Variants in PFN2 observed in about 807,000 individuals in gnomAD.
PFN2 encodes profilin 2.
In PFN2, 8 loss-of-function variants were observed where a neutral mutation model predicts 15.3. That is an observed-to-expected ratio of 0.52 (90% CI 0.31 to 0.95). PFN2 has a LOEUF of 0.95. Among genes scored for constraint, PFN2 ranks in the 40% least tolerant of loss-of-function variants. The pLI is 0.05. For missense variants in PFN2, 111 were observed against 182.3 expected (o/e 0.61, Z 2.25); for synonymous variants, 79 against 67.9 (o/e 1.16, Z -0.81).
chr3:149,965,218 A>G lies in PFN2; in HGVS notation c.*1271T>C, dbSNP rs1722650924. The G allele has an allele frequency of 6.5e-7, 1 of 1,530,412 alleles. No individual in the cohort carries two copies. The highest frequency in any genetic ancestry group is 2.4e-5 in the East Asian group (1 of 40,860). 94.8% of individuals were successfully genotyped at this position (1,530,412 alleles called of 1,614,324 possible). ...AACAATAGTATGGCACAGAATACATATGAAAAAAATTCATCACAAGACAGC... is the reference window on the plus strand; with the variant it reads ...AACAATAGTATGGCACAGAATACATGTGAAAAAAATTCATCACAAGACAGC... On this transcript the variant is annotated 3_prime_UTR_variant, in exon 3 of 3. Coordinates refer to ENST00000239940, the MANE Select transcript of PFN2 (RefSeq NM_053024.4).
In PFN2 at chr3:149,965,877, A is replaced by G; in HGVS notation, c.*612T>C. 1.6e-6 allele frequency: 2 copies of G among 1,217,252 alleles called. No homozygotes were observed. Among genetic ancestry groups the G allele is most frequent in the Non-Finnish European group, 2.1e-6 (2 of 975,384 alleles). The allele number at this position is 1,217,252 out of a possible 1,614,324, so 75.4% of individuals were successfully genotyped here. On this transcript the variant is annotated 3_prime_UTR_variant, in exon 3 of 3. Transcript: ENST00000239940. The stretch of plus-strand genomic sequence containing the variant: ...ACCTTGCTTAATATTAACTTATTTT[A>G]GTAATCAATATCCCATTAATTGCTA...
At position 149,965,114 on chromosome 3, in the gene PFN2, G is replaced by C; in HGVS notation, c.*1375C>G. 1 of 780,912 alleles carries C rather than the reference G, an allele frequency of 1.3e-6. No homozygotes were observed. Among genetic ancestry groups the C allele is most frequent in the Non-Finnish European group, 2.0e-6 (1 of 512,692 alleles). The allele number at this position is 780,912 out of a possible 1,614,324, so 48.4% of individuals were successfully genotyped here. ...AAACAATAGAAGCAAATACTAGAAT[G>C]TCCCTAAAGTAGTGCCATTCGAAAG... On this transcript the variant is annotated 3_prime_UTR_variant, in exon 3 of 3. Transcript: ENST00000239940.
rs995841631 is a variant in PFN2, at chr3:149,966,057, A to G, written c.*432T>C. ...CCATTGGGCAAACAGGAATCATGAC[A>G]TTAGAAAATAGGTAAAGAAAAATTA... On this transcript the variant is annotated 3_prime_UTR_variant, in exon 3 of 3. Coordinates refer to ENST00000239940, the MANE Select transcript of PFN2 (RefSeq NM_053024.4). 6.6e-7 allele frequency: 1 copy of G among 1,520,562 alleles called. No individual in the cohort carries two copies. Among genetic ancestry groups the G allele is most frequent in the East Asian group, 2.3e-5 (1 of 44,010 alleles). 94.2% of individuals were successfully genotyped at this position (1,520,562 alleles called of 1,614,324 possible).
chr3:149,966,977 T>C (rs1236624493), intron 2 of PFN2, among the ~76,000 whole-genome samples: 1 of 152,088 alleles, frequency 6.6e-6, no homozygotes, highest in Non-Finnish European at 1.5e-5. Context: ...TTACAAACTC[T>C]CCCCAAATTT....
In PFN2 at chr3:149,968,497, G is replaced by A. The variant is rs775499494; in HGVS notation, c.186C>T (p.Asn62=). Residue 62 remains asparagine, a synonymous_variant, in exon 2 of 3, where the codon AAC becomes AAT. Transcript: ENST00000239940. ...VGKDREGFFT[N]GLTLGAKKCS... The stretch of plus-strand genomic sequence containing the variant: ...ATTTCTTCGCGCCAAGAGTCAAACC[G>A]TTGGTAAAGAAACCTTCCCGGTCTT... 6.2e-7 allele frequency: 1 copy of A among 1,613,158 alleles called. No individual in the cohort carries two copies. Among genetic ancestry groups the A allele is most frequent in the Admixed American group, 1.7e-5 (1 of 59,934 alleles).
chr3:149,967,587 A>G (rs530886489), intron 2 of PFN2, among the ~76,000 whole-genome samples: 2 of 152,142 alleles, frequency 1.3e-5, no homozygotes, highest in African/African-American at 4.8e-5. Context: ...CTACAGAAGC[A>G]CTCTCTATTT....
In PFN2 at chr3:149,965,875, T is replaced by G; in HGVS notation, c.*614A>C. On this transcript the variant is annotated 3_prime_UTR_variant, in exon 3 of 3. Transcript: ENST00000239940. ...GCACCTTGCTTAATATTAACTTATTTTAGTAATCAATATCCCATTAATTGC... is the reference window on the plus strand; with the variant it reads ...GCACCTTGCTTAATATTAACTTATTGTAGTAATCAATATCCCATTAATTGC... 1 of 1,213,458 alleles carries G rather than the reference T, an allele frequency of 8.2e-7. No homozygotes were observed. 75.2% of individuals were successfully genotyped at this position (1,213,458 alleles called of 1,614,324 possible). A position where few individuals can be genotyped will look rare whatever the true frequency, so the allele number is the denominator to read the frequency against.
chr3:149,965,198 T>C lies in PFN2; in HGVS notation c.*1291A>G, dbSNP rs551381783. The C allele has an allele frequency of 3.8e-5, 58 of 1,511,908 alleles. No homozygotes were observed. Among genetic ancestry groups the C allele is most frequent in the East Asian group, 1.2e-4 (5 of 40,744 alleles). 93.7% of individuals were successfully genotyped at this position (1,511,908 alleles called of 1,614,324 possible). A position where few individuals can be genotyped will look rare whatever the true frequency, so the allele number is the denominator to read the frequency against. On this transcript the variant is annotated 3_prime_UTR_variant, in exon 3 of 3. Coordinates refer to ENST00000239940, the MANE Select transcript of PFN2 (RefSeq NM_053024.4). ...CAATAGCAACAGTTCATTTTAACAATAGTATGGCACAGAATACATATGAAA... is the reference window on the plus strand; with the variant it reads ...CAATAGCAACAGTTCATTTTAACAACAGTATGGCACAGAATACATATGAAA...
chr3:149,965,287 A>T lies in PFN2; in HGVS notation c.*1202T>A. 1 of 1,535,320 alleles carries T rather than the reference A, an allele frequency of 6.5e-7. No individual in the cohort carries two copies. The highest frequency in any genetic ancestry group is 8.7e-7 in the Non-Finnish European group (1 of 1,146,482). ...ACTTCATATAAAAACTCAAGCTGCA[A>T]ATAAAAATTGGTCCTATGAAGAACA... is the stretch of plus-strand genomic sequence containing the variant. On this transcript the variant is annotated 3_prime_UTR_variant, in exon 3 of 3. Coordinates refer to ENST00000239940, the MANE Select transcript of PFN2 (RefSeq NM_053024.4).
rs545017577 is a variant in PFN2 at position 149,970,008 on chromosome 3, TGAGAA to T, written c.132+712_132+716del. Reference sequence around the variant, plus strand: ...AACCGTATATCGATGAATCTCCATATGAGAAGAGAAATCAATGGCAGTTCGCCATC... The same window carrying T: ...AACCGTATATCGATGAATCTCCATATGAGAAATCAATGGCAGTTCGCCATC... On this transcript the variant is annotated intron_variant, in intron 1 of 2. Coordinates refer to ENST00000239940, the MANE Select transcript of PFN2 (RefSeq NM_053024.4). Among the ~76,000 whole-genome samples the T allele has an allele frequency of 1.4e-3, 206 of 150,704 alleles. 4 individuals carry two copies. The highest frequency in any genetic ancestry group is 4.2e-3 in the African/African-American group (171 of 40,924).
chr3:149,967,108 C>T (rs1218403017), intron 2 of PFN2, among the ~76,000 whole-genome samples: 1 of 152,040 alleles, frequency 6.6e-6, no homozygotes, highest in Non-Finnish European at 1.5e-5. Context: ...TCAGAAAAGG[C>T]CAAATTAAAT....
In PFN2 at chr3:149,966,149, T is replaced by G. The variant is rs566695281; in HGVS notation, c.*340A>C. 6.2e-7 allele frequency: 1 copy of G among 1,610,274 alleles called. No individual in the cohort carries two copies. Among genetic ancestry groups the G allele is most frequent in the Admixed American group, 1.7e-5 (1 of 59,366 alleles). On this transcript the variant is annotated 3_prime_UTR_variant, in exon 3 of 3. Transcript: ENST00000239940. The stretch of plus-strand genomic sequence containing the variant: ...GTTGTTGATGAAGACAGTTGCTAGG[T>G]AGATGGGGAGAGGCTGCTTACACAT...
At chr3:149,970,650 G>A in intron 1 of PFN2, 75 bp downstream of exon 1, 1 of 1,399,494 alleles carries the variant, frequency 7.1e-7, no homozygotes, top group Non-Finnish European at 9.5e-7. Flanking sequence ...TTCCAGCCCC[G>A]CGCTGCGGTG....
At chr3:149,970,416 GCCCTGGCCGGTGCGTGCCCCCTCC>G in intron 1 of PFN2, 1 of 232,312 alleles carries the variant, frequency 4.3e-6, no homozygotes, top group Non-Finnish European at 8.3e-6. Flanking sequence ...CCCTCCCCTT[GCCCTGGCCGGTGCGTGCCCCCTCC>G]CCCAACCCGG....
chr3:149,970,426 G>GT (rs1463187474), intron 1 of PFN2: 2 of 249,436 alleles, frequency 8.0e-6, no homozygotes, highest in Non-Finnish European at 1.5e-5. Context: ...GCCCTGGCCG[G>GT]TGCGTGCCCC....
At position 149,965,025 on chromosome 3, in the gene PFN2, G is replaced by T; in HGVS notation, c.*1464C>A. On this transcript the variant is annotated 3_prime_UTR_variant, in exon 3 of 3. Coordinates refer to ENST00000239940, the MANE Select transcript of PFN2 (RefSeq NM_053024.4). ...GTATCCCAGATGTAACAAAGTGCAG[G>T]GAAAGAAATGGACAAATCAGCAACA... is the stretch of plus-strand genomic sequence containing the variant. 1 of 522,584 alleles carries T rather than the reference G, an allele frequency of 1.9e-6. No individual in the cohort carries two copies. Among genetic ancestry groups the T allele is most frequent in the Non-Finnish European group, 3.3e-6 (1 of 299,988 alleles). 32.4% of individuals were successfully genotyped at this position (522,584 alleles called of 1,614,324 possible). A position where few individuals can be genotyped will look rare whatever the true frequency, so the allele number is the denominator to read the frequency against.
intron 1 of PFN2, among the ~76,000 whole-genome samples, chr3:149,970,073 T>C (rs1001692797): frequency 6.7e-6 from 1 of 149,494 alleles, no homozygotes; most frequent in African/African-American, 2.5e-5. Flanking sequence ...AAACAACCTA[T>C]AGAGCTAGAG....
intron 1 of PFN2, among the ~76,000 whole-genome samples, chr3:149,969,295 A>C (rs1722777806): frequency 1.3e-5 from 2 of 152,324 alleles, no homozygotes; most frequent in Non-Finnish European, 2.9e-5. Context: ...AAAGAAACTG[A>C]GGTAGCCACC....
Position 149,966,296 on chromosome 3 carries a change from A to T in PFN2, c.*193T>A. ...TACACAAGGAAACAAAACAAAAGTG[A>T]ACAGAATTATTTTGGGGGGGGAGGG... On this transcript the variant is annotated 3_prime_UTR_variant, in exon 3 of 3. Coordinates refer to ENST00000239940, the MANE Select transcript of PFN2 (RefSeq NM_053024.4). 1 of 1,610,046 alleles carries T rather than the reference A, an allele frequency of 6.2e-7. No homozygotes were observed. Among genetic ancestry groups the T allele is most frequent in the Non-Finnish European group, 8.5e-7 (1 of 1,178,478 alleles).
Sources: gnomAD v4.1 joint callset for allele counts (sites outside exome capture counted in the v4.1 genomes callset) on GRCh38, gnomAD v4.1.1 for gene constraint, MANE v1.5 for transcripts, NCBI Gene and HGNC (gene_info 2026-07-23, HGNC 2026-07-21) for gene names.